DHX33: variants seen among roughly 807,000 people sequenced by gnomAD.
DHX33 encodes DEAH-box helicase 33.
DHX33 carries 42 observed loss-of-function variants against 72.5 expected under a neutral mutation model. That is an observed-to-expected ratio of 0.58 (90% CI 0.45 to 0.75). The LOEUF is 0.75. Ranked by LOEUF, DHX33 falls within the 30% of genes least tolerant of loss-of-function variation. The probability of loss-of-function intolerance (pLI) is 0.00; values close to 1 mark genes in which losing one functional copy is unlikely to be tolerated. For missense variants in DHX33, 842 were observed against 917.5 expected (o/e 0.92, Z 1.06); for synonymous variants, 358 against 366.1 (o/e 0.98, Z 0.25).
intron 4 of DHX33, among the ~76,000 whole-genome samples, chr17:5,457,177 G>A (rs566675725): frequency 3.9e-5 from 6 of 152,070 alleles, no homozygotes; most frequent in South Asian, 4.1e-4. Context: ...GCGTGGTGGC[G>A]CACGCCTGTA....
intron 4 of DHX33, among the ~76,000 whole-genome samples, chr17:5,458,969 G>A (rs1183870952): frequency 1.3e-5 from 2 of 152,128 alleles, no homozygotes; most frequent in Non-Finnish European, 2.9e-5. Flanking sequence ...AGGCTGAGTC[G>A]GGAAAATCAC....
intron 4 of DHX33, among the ~76,000 whole-genome samples, chr17:5,457,361 G>A (rs989499466): frequency 6.6e-6 from 1 of 151,524 alleles, no homozygotes; most frequent in Non-Finnish European, 1.5e-5. Flanking sequence ...AGTGGCTCAT[G>A]CCTGTAACCC....
chr17:5,453,254 T>C (rs924836230), intron 8 of DHX33, among the ~76,000 whole-genome samples: 1 of 152,202 alleles, frequency 6.6e-6, no homozygotes, highest in African/African-American at 2.4e-5. Context: ...CTAGGAACAC[T>C]GGCGCATGCC....
intron 4 of DHX33, among the ~76,000 whole-genome samples, chr17:5,459,888 C>G (rs563379438): frequency 3.0e-4 from 45 of 148,964 alleles, no homozygotes; most frequent in Admixed American, 1.9e-3. Context: ...CTCAAGTGAT[C>G]CTCCTGCCTT....
chr17:5,458,064 G>A (rs1368230936), intron 4 of DHX33, among the ~76,000 whole-genome samples: 1 of 152,086 alleles, frequency 6.6e-6, no homozygotes, highest in Non-Finnish European at 1.5e-5. Context: ...GAAAACTCAG[G>A]GATTGGTTCA....
chr17:5,444,615 G>T lies in DHX33; in HGVS notation c.1816-102C>A. The T allele has an allele frequency of 8.2e-7, 1 of 1,213,562 alleles. No individual in the cohort carries two copies. The highest frequency in any genetic ancestry group is 1.1e-6 in the Non-Finnish European group (1 of 872,202). The allele number at this position is 1,213,562 out of a possible 1,614,324, so 75.2% of individuals were successfully genotyped here. On this transcript the variant is annotated intron_variant, in intron 11 of 11. Coordinates refer to ENST00000225296, the MANE Select transcript of DHX33 (RefSeq NM_020162.4). This position sits in a 1 kb window ranked among gnomAD's most constrained non-coding sequence, Gnocchi z 4.9. ...AACTGGACCCACTGGGGCAAAAGCA[G>T]CCCACATTGTGAGCCTAACGATGTG... is the stretch of plus-strand genomic sequence containing the variant.
Position 5,444,587 on chromosome 17 carries a change from G to C in DHX33, c.1816-74C>G, listed in dbSNP as rs575118719. On this transcript the variant is annotated intron_variant, in intron 11 of 11. Transcript: ENST00000225296. This position sits in a 1 kb window ranked among gnomAD's most constrained non-coding sequence, Gnocchi z 4.9. ...TGGTCAGCACTACACAGCGTGTTGG[G>C]GCAACTGGACCCACTGGGGCAAAAG... 6.7e-7 allele frequency: 1 copy of C among 1,490,770 alleles called. No homozygotes were observed. The highest frequency in any genetic ancestry group is 9.1e-7 in the Non-Finnish European group (1 of 1,103,704). The allele number at this position is 1,490,770 out of a possible 1,614,324, so 92.3% of individuals were successfully genotyped here. A position where few individuals can be genotyped will look rare whatever the true frequency, so the allele number is the denominator to read the frequency against.
chr17:5,465,115 G>A (rs1904818276), intron 1 of DHX33, among the ~76,000 whole-genome samples: 1 of 152,216 alleles, frequency 6.6e-6, no homozygotes, highest in African/African-American at 2.4e-5. Flanking sequence ...CGCAGTAAAT[G>A]TTACTTCCTA....
At chr17:5,455,923 A>C in intron 5 of DHX33, 74 bp downstream of exon 5, 1 of 1,475,002 alleles carries the variant, frequency 6.8e-7, no homozygotes, top group African/African-American at 1.4e-5. Flanking sequence ...GAGCCTGGTA[A>C]CAGGTACAGA....
chr17:5,456,227 C>A, intron 4 of DHX33, 45 bp from the exon 5 acceptor site: 2 of 1,578,064 alleles, frequency 1.3e-6, no homozygotes, highest in Non-Finnish European at 1.7e-6. Context: ...GATAGAATTG[C>A]AGCTTGCACA....
intron 1 of DHX33, among the ~76,000 whole-genome samples, chr17:5,465,376 C>T (rs1171499103): frequency 6.6e-6 from 1 of 152,186 alleles, no homozygotes; most frequent in Non-Finnish European, 1.5e-5. Flanking sequence ...CTAGGCAAAA[C>T]CCCAAACTTT....
intron 1 of DHX33, among the ~76,000 whole-genome samples, chr17:5,467,939 T>C (rs1340111924): frequency 3.9e-5 from 6 of 152,146 alleles, no homozygotes; most frequent in Admixed American, 3.9e-4. Context: ...ATAGCTCACA[T>C]CCAAATCCAG....
At chr17:5,447,769 A>G (rs1916717300) in intron 11 of DHX33, among the ~76,000 whole-genome samples, 1 of 152,232 alleles carries the variant, frequency 6.6e-6, no homozygotes, top group Admixed American at 6.5e-5. Flanking sequence ...CTAAATGACC[A>G]TTATTAGAGG....
At chr17:5,450,517 T>C in intron 9 of DHX33, 111 bp from the exon 10 acceptor site, 2 of 1,186,150 alleles carry the variant, frequency 1.7e-6, no homozygotes, top group Admixed American at 4.4e-5. Flanking sequence ...AAAGGGCAGG[T>C]ATTTCTAAAA....
rs113437373 is a variant in DHX33, at chr17:5,447,624, CA to C, written c.1815+1184del. Among the ~76,000 whole-genome samples the C allele has an allele frequency of 8.9e-3, 1,325 of 148,472 alleles. 19 individuals are homozygous for C. The highest frequency in any genetic ancestry group is 0.031 in the African/African-American group (1,249 of 40,380). ...GGGCAACAAGAGCAAAACTCCGTCT[CA>C]AAAAAAAAGAAAGGAAAAAAAACAC... On this transcript the variant is annotated intron_variant, in intron 11 of 11. Coordinates refer to ENST00000225296, the MANE Select transcript of DHX33 (RefSeq NM_020162.4).
In DHX33 at chr17:5,443,507, T is replaced by C. The variant is rs1233569171; in HGVS notation, c.*698A>G. On this transcript the variant is annotated 3_prime_UTR_variant, in exon 12 of 12. Coordinates refer to ENST00000225296, the MANE Select transcript of DHX33 (RefSeq NM_020162.4). ...CACGCACTGAGGACCAGGAGGCTCC[T>C]TTACTGGTCTCTGCTTGGAGACAGA... The C allele has an allele frequency of 2.0e-5, 3 of 152,084 alleles. No homozygotes were observed. The highest frequency in any genetic ancestry group is 7.2e-5 in the African/African-American group (3 of 41,390). The allele number at this position is 152,084 out of a possible 1,614,324, so 9.4% of individuals were successfully genotyped here. A position where few individuals can be genotyped will look rare whatever the true frequency, so the allele number is the denominator to read the frequency against.
chr17:5,456,395 C>G (rs1334603411), intron 4 of DHX33, among the ~76,000 whole-genome samples: 4 of 152,176 alleles, frequency 2.6e-5, no homozygotes, highest in Non-Finnish European at 4.4e-5. Flanking sequence ...GCCTGTAAAC[C>G]CAGCACTTTG....
chr17:5,448,697 T>C (rs572126586), intron 11 of DHX33, 112 bp downstream of exon 11: 27 of 695,260 alleles, frequency 3.9e-5, no homozygotes, highest in African/African-American at 7.4e-5. Context: ...TTTGTGAAAT[T>C]TGCTACAATG....
At chr17:5,446,682 G>A (rs1251114712) in intron 11 of DHX33, among the ~76,000 whole-genome samples, 1 of 152,190 alleles carries the variant, frequency 6.6e-6, no homozygotes, top group Non-Finnish European at 1.5e-5. Flanking sequence ...TCACCATCTA[G>A]ATTATTACTT....
Sources: gnomAD v4.1 joint callset for allele counts (sites outside exome capture counted in the v4.1 genomes callset) on GRCh38, gnomAD v4.1.1 for gene constraint, Gnocchi (gnomAD v3.1) non-coding constraint, MANE v1.5 for transcripts, NCBI Gene and HGNC (gene_info 2026-07-23, HGNC 2026-07-21) for gene names.